Variants in AGBL4 observed in about 807,000 individuals in gnomAD.
AGBL4 encodes the protein AGBL carboxypeptidase 4.
A neutral mutation model predicts 66.4 loss-of-function variants in AGBL4; 58 were observed. The observed-to-expected ratio is 0.87, with a 90% CI of 0.71 to 1.09. AGBL4 has a LOEUF of 1.09. Among genes scored for constraint, AGBL4 ranks in the 50% least tolerant of loss-of-function variants. The pLI, the probability that AGBL4 is intolerant of heterozygous loss-of-function variation, is 0.00. For missense variants in AGBL4, 579 were observed against 631.0 expected, an observed-to-expected ratio of 0.92 and a Z score of 0.88; for synonymous variants, 234 against 222.9, an observed-to-expected ratio of 1.05 and a Z score of -0.44.
intron 4 of AGBL4, among the ~76,000 whole-genome samples, chr1:49,217,543 G>C (rs1649182871): frequency 6.6e-6 from 1 of 151,962 alleles, no homozygotes; most frequent in African/African-American, 2.4e-5. Flanking sequence ...CCTTCTTATA[G>C]CACTGAGCAC....
At position 49,718,610 on chromosome 1, in the gene AGBL4, T is replaced by C. The variant is rs1026273431; in HGVS notation, c.158-21173A>G. Among the ~76,000 whole-genome samples, 4 of 152,092 alleles carry C rather than the reference T, an allele frequency of 2.6e-5. No individual in the cohort carries two copies. In the East Asian group the frequency reaches 5.8e-4, roughly 22 times the overall value. Reference sequence around the variant, plus strand: ...GAAAATTAATTTTTCTGTTCATCCATTGACAGTTATTTTGAGATTTCAGTA... The same window carrying C: ...GAAAATTAATTTTTCTGTTCATCCACTGACAGTTATTTTGAGATTTCAGTA... On this transcript the variant is annotated intron_variant, in intron 2 of 13. Coordinates refer to ENST00000371839, the MANE Select transcript of AGBL4 (RefSeq NM_032785.4).
At chr1:49,801,511 A>T (rs1164342077) in intron 2 of AGBL4, among the ~76,000 whole-genome samples, 1 of 152,252 alleles carries the variant, frequency 6.6e-6, no homozygotes, top group East Asian at 1.9e-4. Flanking sequence ...TAGATAACTA[A>T]CACAGGGAGA....
intron 3 of AGBL4, among the ~76,000 whole-genome samples, chr1:49,293,002 G>A (rs374973384): frequency 1.3e-5 from 2 of 152,236 alleles, no homozygotes; most frequent in East Asian, 3.8e-4. Context: ...GGAGAAAAGA[G>A]CTGCGGCCCT....
At chr1:48,919,968 G>C (rs1421200165) in intron 5 of AGBL4, among the ~76,000 whole-genome samples, 2 of 152,164 alleles carry the variant, frequency 1.3e-5, no homozygotes, top group African/African-American at 2.4e-5. Context: ...TGTAATCCAT[G>C]CTGCCAGAAA....
intron 3 of AGBL4, among the ~76,000 whole-genome samples, chr1:49,486,396 T>C (rs1647067867): frequency 6.6e-6 from 1 of 151,958 alleles, no homozygotes; most frequent in South Asian, 2.1e-4. Flanking sequence ...CCCAACCCTC[T>C]GATGTCATTC....
intron 3 of AGBL4, among the ~76,000 whole-genome samples, chr1:49,394,982 G>A (rs918177127): frequency 5.3e-5 from 8 of 152,010 alleles, no homozygotes; most frequent in African/African-American, 1.2e-4. Flanking sequence ...AATCTTGCCT[G>A]TTTTTTCAAA....
intron 3 of AGBL4, among the ~76,000 whole-genome samples, chr1:49,411,892 C>T (rs923762795): frequency 1.3e-5 from 2 of 151,960 alleles, no homozygotes; most frequent in Non-Finnish European, 2.9e-5. Context: ...GCAGTAAGAA[C>T]CTGTGAAAGT....
intron 2 of AGBL4, among the ~76,000 whole-genome samples, chr1:49,833,463 C>A (rs1645754343): frequency 6.6e-6 from 1 of 152,170 alleles, no homozygotes; most frequent in Non-Finnish European, 1.5e-5. Context: ...TTAGGATTGA[C>A]TTGGCGATGC....
chr1:49,393,901 G>A (rs1253087031), intron 3 of AGBL4, among the ~76,000 whole-genome samples: 1 of 152,118 alleles, frequency 6.6e-6, no homozygotes, highest in Non-Finnish European at 1.5e-5. Context: ...GAACACTTCG[G>A]TGTGCCAGAC....
chr1:48,735,403 A>C (rs112907104), intron 6 of AGBL4, among the ~76,000 whole-genome samples: 8 of 151,824 alleles, frequency 5.3e-5, no homozygotes, highest in African/African-American at 1.9e-4. Flanking sequence ...GGTGGGAGAG[A>C]GGGAGGAAAG....
intron 6 of AGBL4, among the ~76,000 whole-genome samples, chr1:48,808,625 G>A (rs1479461922): frequency 6.6e-6 from 1 of 152,104 alleles, no homozygotes; most frequent in East Asian, 1.9e-4. Flanking sequence ...GATATGCTGG[G>A]TGTCAGATCT....
At position 49,293,439 on chromosome 1, in the gene AGBL4, A is replaced by G. The variant is rs542945308; in HGVS notation, c.283-47575T>C. ...GAGGTTTCTGGCCAGAAAAACAACA[A>G]CCCAAGGATCCTATAACACTATTTA... On this transcript the variant is annotated intron_variant, in intron 3 of 13. Coordinates refer to ENST00000371839, the MANE Select transcript of AGBL4 (RefSeq NM_032785.4). 3.3e-5 allele frequency among the ~76,000 whole-genome samples: 5 copies of G among 152,256 alleles called. No individual in the cohort carries two copies. The East Asian group carries it at 9.6e-4, about 29-fold the overall frequency.
chr1:48,844,876 C>T (rs1029365270), intron 6 of AGBL4, among the ~76,000 whole-genome samples: 10 of 152,162 alleles, frequency 6.6e-5, no homozygotes, highest in Admixed American at 6.5e-4. Context: ...AGGATAAATT[C>T]CCATTTCAAG....
intron 2 of AGBL4, among the ~76,000 whole-genome samples, chr1:49,700,012 T>C (rs1273474162): frequency 6.6e-6 from 1 of 151,694 alleles, no homozygotes; most frequent in East Asian, 1.9e-4. Flanking sequence ...CTACATCTTA[T>C]ATATATAAAA....
At chr1:49,640,317 C>T (rs976518916) in intron 3 of AGBL4, among the ~76,000 whole-genome samples, 1 of 152,110 alleles carries the variant, frequency 6.6e-6, no homozygotes, top group African/African-American at 2.4e-5. Context: ...CTGCAATAAA[C>T]ATGTTTTGAG....
At chr1:49,505,106 A>C (rs1241849319) in intron 3 of AGBL4, among the ~76,000 whole-genome samples, 1 of 152,036 alleles carries the variant, frequency 6.6e-6, no homozygotes, top group Non-Finnish European at 1.5e-5. Flanking sequence ...AACTCTAGTC[A>C]CATGAAATAA....
At chr1:49,025,491 G>A (rs1663587209) in intron 5 of AGBL4, 1 of 152,180 alleles carries the variant, frequency 6.6e-6, no homozygotes, top group Non-Finnish European at 1.5e-5. Context: ...TCAGGGATAT[G>A]GGGAGCACAG....
chr1:49,622,355 C>T (rs1036492662), intron 3 of AGBL4, among the ~76,000 whole-genome samples: 8 of 152,056 alleles, frequency 5.3e-5, no homozygotes, highest in African/African-American at 9.7e-5. Context: ...GTTGGCCGGG[C>T]GCGGTGGCTC....
chr1:49,374,782 C>A (rs1644437472), intron 3 of AGBL4, among the ~76,000 whole-genome samples: 1 of 152,130 alleles, frequency 6.6e-6, no homozygotes, highest in African/African-American at 2.4e-5. Context: ...ATGTCACTAA[C>A]CTCCTTCCTA....
Sources: allele counts gnomAD v4.1 joint callset (sites outside exome capture counted in the v4.1 genomes callset), GRCh38; gene constraint gnomAD v4.1.1; transcripts MANE v1.5; gene names NCBI Gene and HGNC (gene_info 2026-07-23, HGNC 2026-07-21).